HCFC1: variants seen among roughly 807,000 people sequenced by gnomAD.
HCFC1 encodes host cell factor C1.
A neutral mutation model predicts 105.5 loss-of-function variants in HCFC1; 7 were observed. The observed-to-expected ratio is 0.07, with a 90% CI of 0.04 to 0.12. The LOEUF is 0.12. Among genes scored for constraint, HCFC1 ranks in the 10% least tolerant of loss-of-function variants. The pLI is 1.00. For synonymous variants in HCFC1, 918 were observed against 828.1 expected (o/e 1.11, Z -1.86); for missense variants, 1,065 against 1,823.6 (o/e 0.58, Z 7.58).
chrX:153,948,326 G>C lies in HCFC1; in HGVS notation c.*1021C>G, dbSNP rs1351227442. On this transcript the variant is annotated 3_prime_UTR_variant, in exon 26 of 26. Transcript: ENST00000310441. ...CCTTTGTTCCAGCGGCCTGAGGACA[G>C]GCAAAAGGGCAGAGGGCAGGGGCCA... The C allele has an allele frequency of 3.6e-5, 4 of 112,113 alleles. No homozygotes were observed. The highest frequency in any genetic ancestry group is 6.5e-5 in the African/African-American group (2 of 30,836). 9.2% of individuals were successfully genotyped at this position (112,113 alleles called of 1,213,427 possible). A position where few individuals can be genotyped will look rare whatever the true frequency, so the allele number is the denominator to read the frequency against.
chrX:153,968,195 G>A (rs782651466), intron 1 of HCFC1, among the ~76,000 whole-genome samples: 7 of 110,668 alleles, frequency 6.3e-5, no homozygotes, highest in African/African-American at 2.3e-4. Context: ...TGAATCCTTT[G>A]GCTTGCCACA....
chrX:153,955,995 G>A (rs1557114809), intron 16 of HCFC1, among the ~76,000 whole-genome samples, 196 bp downstream of exon 16: 22 of 113,357 alleles, frequency 1.9e-4, no homozygotes. Flanking sequence ...AACCATGACA[G>A]CCAAACCACG....
chrX:153,961,146 G>A (rs1440580496), intron 6 of HCFC1, among the ~76,000 whole-genome samples: 1 of 112,735 alleles, frequency 8.9e-6, no homozygotes, highest in Non-Finnish European at 1.9e-5. Flanking sequence ...GAAAGGCCAG[G>A]TGTGGCACTG....
rs1489613411 is a variant in HCFC1 at position 153,967,727 on chromosome X, G to T, written c.193+2921C>A. Among the ~76,000 whole-genome samples the T allele has an allele frequency of 2.7e-5, 3 of 111,840 alleles. No homozygotes were observed. In the East Asian group the frequency reaches 8.4e-4, roughly 31 times the overall value. Reference sequence around the variant, plus strand: ...CAGGAGTGGAAAGGGCTTCTCAGAAGAGGTGACGTTTCAGCCGGGCCTTGA... The same window carrying T: ...CAGGAGTGGAAAGGGCTTCTCAGAATAGGTGACGTTTCAGCCGGGCCTTGA... On this transcript the variant is annotated intron_variant, in intron 1 of 25. Coordinates refer to ENST00000310441, the MANE Select transcript of HCFC1 (RefSeq NM_005334.3).
intron 22 of HCFC1, 34 bp from the exon 23 acceptor site, chrX:153,951,032 G>A: frequency 2.6e-6 from 3 of 1,156,944 alleles, no homozygotes; most frequent in Non-Finnish European, 3.5e-6. Flanking sequence ...ACGCCACTGT[G>A]GAGAAGGCAG....
chrX:153,971,741 G>C lies in HCFC1; in HGVS notation c.-901C>G, dbSNP rs2065537699. The C allele has an allele frequency of 2.7e-5, 8 of 298,015 alleles. No homozygotes were observed. The highest frequency in any genetic ancestry group is 4.1e-5 in the Non-Finnish European group (7 of 170,313). The allele number at this position is 298,015 out of a possible 1,213,427, so 24.6% of individuals were successfully genotyped here. The stretch of plus-strand genomic sequence containing the variant: ...CTTCAAAGAGCTAGAGTTAGGCCCC[G>C]AAGCGGCAACTGTACGGCAGAAGAA... On this transcript the variant is annotated 5_prime_UTR_variant, in exon 1 of 26. Coordinates refer to ENST00000310441, the MANE Select transcript of HCFC1 (RefSeq NM_005334.3).
intron 13 of HCFC1, 36 bp from the exon 14 acceptor site, chrX:153,957,096 C>T (rs1569546808): frequency 2.5e-6 from 3 of 1,185,337 alleles, no homozygotes; most frequent in Non-Finnish European, 3.4e-6. Context: ...GAGACAGGCT[C>T]TGTGAGGGCT....
chrX:153,969,778 T>G (rs1271575159), intron 1 of HCFC1: 1 of 112,724 alleles, frequency 8.9e-6, no homozygotes, highest in African/African-American at 3.2e-5. Context: ...GGCTTTGGGT[T>G]TTGCAGGGAG....
chrX:153,949,430 G>C lies in HCFC1; in HGVS notation c.6069-44C>G, dbSNP rs782746364. On this transcript the variant is annotated intron_variant, in intron 25 of 25. Transcript: ENST00000310441. ...GAAAGAGAAAGTTAGTGTGGGCCCT[G>C]CACCACTGGAGGCCCTGCTGGTGCA... 9.5e-6 allele frequency: 11 copies of C among 1,157,804 alleles called. No homozygotes were observed. In the Admixed American group the frequency reaches 2.5e-4, roughly 26 times the overall value.
At position 153,962,269 on chromosome X, in the gene HCFC1, C is replaced by T. The variant is rs1557117197; in HGVS notation, c.750G>A (p.Val250=). Residue 250 remains valine, a synonymous_variant, in exon 5 of 26, where the codon GTG becomes GTA. Coordinates refer to ENST00000310441, the MANE Select transcript of HCFC1 (RefSeq NM_005334.3). ...AGTGGAGACTGCGAGGAAGAGGCGC[C>T]ACCCCGCTGAGACTGGGCTTATTCC... ...LTWNKPSLSG[V]APLPRSLHSA... 4 of 1,210,585 alleles carry T rather than the reference C, an allele frequency of 3.3e-6. No individual in the cohort carries two copies. The highest frequency in any genetic ancestry group is 2.2e-5 in the Admixed American group (1 of 46,015).
intron 20 of HCFC1, 60 bp downstream of exon 20, chrX:153,951,781 T>G: frequency 8.5e-7 from 1 of 1,170,230 alleles, no homozygotes. Context: ...CCTCCCGTCC[T>G]GCCCTCACCT....
chrX:153,951,847 T>G lies in HCFC1; in HGVS notation c.5254A>C (p.Thr1752Pro). The G allele has an allele frequency of 8.4e-7, 1 of 1,192,537 alleles. No individual in the cohort carries two copies. The highest frequency in any genetic ancestry group is 1.1e-6 in the Non-Finnish European group (1 of 884,493). Residue 1752 changes from threonine (T) to proline (P), a missense_variant, in exon 20 of 26, where the codon ACT (threonine) becomes CCT (proline). Coordinates refer to ENST00000310441, the MANE Select transcript of HCFC1 (RefSeq NM_005334.3). ...TTCGCCCTCAGTCGCTTACTCTCAG[T>G]GGCCGTTGAGGGCAGCAGCGCCACA... ...STVALLPSTATESLAPSNTFV... is the reference protein window; with the variant it reads ...STVALLPSTAPESLAPSNTFV...
intron 9 of HCFC1, 138 bp downstream of exon 9, chrX:153,959,193 C>T: frequency 1.5e-6 from 1 of 654,016 alleles, no homozygotes; most frequent in Non-Finnish European, 2.3e-6. Context: ...AGCGTTTCCC[C>T]ATCTGCACGT....
In HCFC1 at chrX:153,954,156, T is replaced by G; in HGVS notation, c.4243A>C (p.Arg1415=). 8.3e-7 allele frequency: 1 copy of G among 1,204,691 alleles called. No homozygotes were observed. Among genetic ancestry groups the G allele is most frequent in the Non-Finnish European group, 1.1e-6 (1 of 892,701 alleles). ...TCACAGGGGGGGTTGGAGCACACCCTCTGTGTTGGGAAAGGAGCCAGCAGC... is the reference window on the plus strand; with the variant it reads ...TCACAGGGGGGGTTGGAGCACACCCGCTGTGTTGGGAAAGGAGCCAGCAGC... ...TALLAPFPTQ[R]VCSNPPCETH... The change falls in exon 17 of 26, where the codon AGG becomes CGG. Residue 1415 remains arginine, a synonymous_variant. Coordinates refer to ENST00000310441, the MANE Select transcript of HCFC1 (RefSeq NM_005334.3).
rs965734565 is a variant in HCFC1, at chrX:153,971,299, G to A, written c.-459C>T. ...GGCCGGCTTCCGGGGCGGGTGGAAA[G>A]GAGCCACAAGCGCCGCGGTCGTCGC... On this transcript the variant is annotated 5_prime_UTR_variant, in exon 1 of 26. Transcript: ENST00000310441. 1.1e-4 allele frequency: 32 copies of A among 298,646 alleles called. 1 individual carries two copies. The highest frequency in any genetic ancestry group is 1.7e-4 in the Non-Finnish European group (29 of 171,131). The allele number at this position is 298,646 out of a possible 1,213,427, so 24.6% of individuals were successfully genotyped here. A position where few individuals can be genotyped will look rare whatever the true frequency, so the allele number is the denominator to read the frequency against.
At position 153,963,301 on chromosome X, in the gene HCFC1, G is replaced by A. The variant is rs782006497; in HGVS notation, c.636C>T (p.Asp212=). The stretch of plus-strand genomic sequence containing the variant: ...AGATCACCAGCTTGGACTTCTTATT[G>A]TCTTTTTCGGTGTAGACCACGGCAG... ...SHTAVVYTEK[D]NKKSKLVIYG... Residue 212 remains aspartate, a synonymous_variant, in exon 4 of 26, where the codon GAC becomes GAT. Transcript: ENST00000310441. 3 of 1,210,866 alleles carry A rather than the reference G, an allele frequency of 2.5e-6. No individual in the cohort carries two copies. The highest frequency in any genetic ancestry group is 3.4e-6 in the Non-Finnish European group (3 of 894,647).
At chrX:153,961,430 A>C (rs1045146209) in intron 6 of HCFC1, 112 bp downstream of exon 6, 2 of 492,084 alleles carry the variant, frequency 4.1e-6, no homozygotes, top group African/African-American at 4.7e-5. Flanking sequence ...TGGATTCCAA[A>C]GGGAGCCGGG....
In HCFC1 at chrX:153,962,314, G is replaced by C; in HGVS notation, c.713-8C>G. On this transcript the variant is annotated splice_polypyrimidine_tract_variant and splice_region_variant and intron_variant, in intron 4 of 25. Coordinates refer to ENST00000310441, the MANE Select transcript of HCFC1 (RefSeq NM_005334.3). ...TATTCCACGTCAGGGTGTCTGCAGA[G>C]AGACGGAGGGGAAAGGGTTACACAA... The C allele has an allele frequency of 1.7e-6, 2 of 1,180,035 alleles. No homozygotes were observed. The highest frequency in any genetic ancestry group is 2.3e-6 in the Non-Finnish European group (2 of 867,653).
In HCFC1 at chrX:153,959,783, C is replaced by T; in HGVS notation, c.1444+19G>A. ...AGGCTAGCCCCCTACTTTCAAACGT[C>T]CCTGGTCCCCTGGCTCACCTTGAGT... On this transcript the variant is annotated intron_variant, in intron 8 of 25. Transcript: ENST00000310441. The T allele has an allele frequency of 1.7e-6, 2 of 1,154,674 alleles. No homozygotes were observed. Among genetic ancestry groups the T allele is most frequent in the Non-Finnish European group, 2.3e-6 (2 of 867,811 alleles).
Sources: gnomAD v4.1 joint callset for allele counts (sites outside exome capture counted in the v4.1 genomes callset) on GRCh38, gnomAD v4.1.1 for gene constraint, MANE v1.5 for transcripts, NCBI Gene and HGNC (gene_info 2026-07-23, HGNC 2026-07-21) for gene names.